Variants in MAPK10 observed in about 807,000 individuals in gnomAD.
MAPK10 encodes the protein JNK3 alpha protein kinase.
Under a neutral mutation model 59.3 loss-of-function variants are expected in MAPK10, and 25 were observed. That is an observed-to-expected ratio of 0.42 (90% CI 0.31 to 0.59). MAPK10 has a LOEUF of 0.59. Among genes scored for constraint, MAPK10 ranks in the 20% least tolerant of loss-of-function variants. The probability of loss-of-function intolerance (pLI) is 0.15; values close to 1 mark genes in which losing one functional copy is unlikely to be tolerated. For synonymous variants in MAPK10, 190 were observed against 200.5 expected (o/e 0.95, Z 0.44); for missense variants, 351 against 568.9 (o/e 0.62, Z 3.90).
intron 2 of MAPK10, among the ~76,000 whole-genome samples, chr4:86,338,115 C>T (rs4608765): frequency 0.46 from 69,426 of 152,014 alleles, 16,220 homozygotes; most frequent in Non-Finnish European, 0.51. Context: ...CTCCCACACA[C>T]ACACCTTCTT....
Position 86,122,913 on chromosome 4 carries a change from G to A in MAPK10, c.237-15561C>T, listed in dbSNP as rs532548731. 7.9e-5 allele frequency among the ~76,000 whole-genome samples: 12 copies of A among 151,744 alleles called. No individual in the cohort carries two copies. The South Asian group carries it at 2.5e-3, about 32-fold the overall frequency. The stretch of plus-strand genomic sequence containing the variant: ...TCTACCTAAGTTTTACTATAAATTT[G>A]GTGTTTGTTCTTGCTTCAATTTTTG... On this transcript the variant is annotated intron_variant, in intron 4 of 13. Coordinates refer to ENST00000641462, the MANE Select transcript of MAPK10 (RefSeq NM_138982.4).
intron 2 of MAPK10, among the ~76,000 whole-genome samples, chr4:86,231,838 C>T (rs2091594889): frequency 6.6e-6 from 1 of 152,090 alleles, no homozygotes; most frequent in Non-Finnish European, 1.5e-5. Flanking sequence ...GGACCCTTTT[C>T]AACAATTATT....
intron 4 of MAPK10, among the ~76,000 whole-genome samples, chr4:86,134,992 G>GCGCA (rs2061665834): frequency 1.3e-5 from 2 of 152,186 alleles, no homozygotes. Flanking sequence ...TTAAAAAACG[G>GCGCA]CGCACCACGA....
chr4:86,379,034 T>C (rs1364435124), intron 1 of MAPK10, among the ~76,000 whole-genome samples: 1 of 152,060 alleles, frequency 6.6e-6, no homozygotes, highest in Non-Finnish European at 1.5e-5. Context: ...GAAATGTAGG[T>C]AAGTATGGTC....
chr4:86,147,741 T>C (rs188999370), intron 4 of MAPK10, among the ~76,000 whole-genome samples: 9 of 152,356 alleles, frequency 5.9e-5, no homozygotes, highest in East Asian at 1.9e-4. Context: ...TAAATTGGTA[T>C]AGTATTTAAT....
chr4:86,488,646 G>A (rs962705412), intron 1 of MAPK10, among the ~76,000 whole-genome samples: 2 of 152,076 alleles, frequency 1.3e-5, no homozygotes, highest in African/African-American at 4.8e-5. Context: ...TCTGCCTGTA[G>A]ATACCTCCAG....
At chr4:86,183,532 T>C (rs1228412781) in intron 3 of MAPK10, among the ~76,000 whole-genome samples, 1 of 152,028 alleles carries the variant, frequency 6.6e-6, no homozygotes, top group African/African-American at 2.4e-5. Flanking sequence ...CTTAATCCAG[T>C]CTATCATTGT....
chr4:86,530,603 G>A (rs568984942), intron 1 of MAPK10, among the ~76,000 whole-genome samples: 7 of 152,266 alleles, frequency 4.6e-5, no homozygotes, highest in African/African-American at 1.7e-4. Flanking sequence ...GGTGTCTCGT[G>A]AGGGCCCATT....
intron 2 of MAPK10, among the ~76,000 whole-genome samples, chr4:86,264,152 A>T (rs1563759880): frequency 6.6e-6 from 1 of 152,096 alleles, no homozygotes; most frequent in East Asian, 1.9e-4. Flanking sequence ...TTAATTTTGA[A>T]ATTTGAAGTT....
At chr4:86,064,605 A>C (rs573837027) in intron 10 of MAPK10, 1 of 549,738 alleles carries the variant, frequency 1.8e-6, no homozygotes, top group East Asian at 3.1e-5. Context: ...CAAGGGTTGT[A>C]ACACTTTGGG....
intron 3 of MAPK10, among the ~76,000 whole-genome samples, chr4:86,163,286 A>G (rs922926519): frequency 6.6e-6 from 1 of 152,110 alleles, no homozygotes; most frequent in East Asian, 1.9e-4. Flanking sequence ...ATCTAAATTG[A>G]GTTTTGAAAG....
At chr4:86,071,144 G>A (rs2047850594) in intron 9 of MAPK10, among the ~76,000 whole-genome samples, 1 of 152,062 alleles carries the variant, frequency 6.6e-6, no homozygotes, top group Non-Finnish European at 1.5e-5. Context: ...GATGGCCAGT[G>A]ATGATGAGCA....
intron 10 of MAPK10, among the ~76,000 whole-genome samples, chr4:86,066,710 A>C (rs2046805115): frequency 7.1e-6 from 1 of 140,248 alleles, no homozygotes; most frequent in Non-Finnish European, 1.5e-5. Context: ...GCTTGCAGTG[A>C]GCCTAGATCG....
At chr4:86,068,106 C>T (rs2047085535) in intron 9 of MAPK10, 151 bp from the exon 10 acceptor site, 2 of 510,830 alleles carry the variant, frequency 3.9e-6, no homozygotes, top group Non-Finnish European at 6.8e-6. Context: ...ATCAGACTTG[C>T]AGGCTATGAG....
rs1290889813 is a variant in MAPK10, at chr4:86,064,266, C to A, written c.1110G>T (p.Ala370=). The A allele has an allele frequency of 6.2e-7, 1 of 1,613,634 alleles. No individual in the cohort carries two copies. Among genetic ancestry groups the A allele is most frequent in the South Asian group, 1.1e-5 (1 of 90,954 alleles). The change falls in exon 11 of 14, where the codon GCG becomes GCT. Residue 370 remains alanine (A), a splice_region_variant and synonymous_variant. Transcript: ENST00000641462. ...AAAGTAAAGGCAGCCTATTTCTTAC[C>A]GCCTCCACTTCGGCTGGGTCATACC... ...NVWYDPAEVE[A]PPPQIYDKQL...
intron 3 of MAPK10, among the ~76,000 whole-genome samples, chr4:86,160,821 A>T (rs1378663121): frequency 1.3e-5 from 2 of 152,070 alleles, no homozygotes; most frequent in African/African-American, 2.4e-5. Flanking sequence ...GAAAGATTTA[A>T]ATCTCCTTGG....
At chr4:86,193,896 G>A (rs916832818) in intron 3 of MAPK10, 3 of 169,452 alleles carry the variant, frequency 1.8e-5, no homozygotes, top group African/African-American at 7.2e-5. Flanking sequence ...AGACACCTGA[G>A]GGAACCTGCA....
intron 4 of MAPK10, among the ~76,000 whole-genome samples, chr4:86,126,310 A>C (rs2060070110): frequency 6.6e-6 from 1 of 152,034 alleles, no homozygotes; most frequent in Non-Finnish European, 1.5e-5. Context: ...TGACATTTAT[A>C]AATTGTATTC....
At chr4:86,287,427 T>C (rs2095054860) in intron 2 of MAPK10, among the ~76,000 whole-genome samples, 1 of 152,206 alleles carries the variant, frequency 6.6e-6, no homozygotes, top group African/African-American at 2.4e-5. Flanking sequence ...GTGCTCTAAA[T>C]ACATTCTTGC....
Sources: gnomAD v4.1 joint callset for allele counts (sites outside exome capture counted in the v4.1 genomes callset) on GRCh38, gnomAD v4.1.1 for gene constraint, MANE v1.5 for transcripts, NCBI Gene and HGNC (gene_info 2026-07-23, HGNC 2026-07-21) for gene names.